The following PDE1C variants were observed in gnomAD, a reference collection of about 807,000 sequenced individuals.
PDE1C encodes the protein phosphodiesterase 1C.
PDE1C carries 62 observed loss-of-function variants against 93.1 expected under a neutral mutation model. That is an observed-to-expected ratio of 0.67 (90% confidence interval 0.54 to 0.82). The LOEUF (loss-of-function observed/expected upper bound fraction) is 0.82. Among genes scored for constraint, PDE1C ranks in the 40% least tolerant of loss-of-function variants. PDE1C has a pLI of 0.00. For missense variants in PDE1C, 742 were observed against 884.6 expected (o/e 0.84, Z 2.04); for synonymous variants, 325 against 310.1 (o/e 1.05, Z -0.50).
intron 3 of PDE1C, among the ~76,000 whole-genome samples, chr7:32,108,241 A>C (rs1798444755): frequency 6.7e-6 from 1 of 149,950 alleles, no homozygotes; most frequent in Admixed American, 6.6e-5. Context: ...AAAAAAAAAA[A>C]AAAAAAGCAA....
intron 2 of PDE1C, among the ~76,000 whole-genome samples, chr7:31,948,687 A>C (rs1056697093): frequency 6.6e-6 from 1 of 151,932 alleles, no homozygotes; most frequent in Non-Finnish European, 1.5e-5. Flanking sequence ...TTCTAGGGGG[A>C]AAGATTTTTG....
chr7:32,084,003 A>G (rs1167017776), intron 3 of PDE1C, among the ~76,000 whole-genome samples: 1 of 151,334 alleles, frequency 6.6e-6, no homozygotes, highest in African/African-American at 2.4e-5. Context: ...ACATAACAAT[A>G]TTAACTTTAA....
rs574467135 is a variant in PDE1C at position 31,757,334 on chromosome 7, T to C, written c.1961-3781A>G. Among the ~76,000 whole-genome samples, 3 of 152,366 alleles carry C rather than the reference T, an allele frequency of 2.0e-5. No homozygotes were observed. In the South Asian group the frequency reaches 6.2e-4, roughly 32 times the overall value. On this transcript the variant is annotated intron_variant, in intron 17 of 17. Coordinates refer to ENST00000396191, the MANE Select transcript of PDE1C (RefSeq NM_001191057.4). ...GCTATTTTATCTCTTTGGTTGTTTA[T>C]ACTTTCTAATTTTTCTATGATGATC...
chr7:31,956,021 C>T (rs1808082031), intron 2 of PDE1C, among the ~76,000 whole-genome samples: 2 of 152,200 alleles, frequency 1.3e-5, no homozygotes, highest in South Asian at 4.1e-4. Context: ...TTAACAACAG[C>T]ACCTGAGTCA....
intron 14 of PDE1C, among the ~76,000 whole-genome samples, chr7:31,822,812 T>C (rs1017228922): frequency 1.3e-5 from 2 of 152,132 alleles, no homozygotes; most frequent in Middle Eastern, 3.2e-3. Context: ...ATAACACCCA[T>C]GTCCTGTAGA....
At chr7:31,927,888 A>G (rs1803612757) in intron 2 of PDE1C, among the ~76,000 whole-genome samples, 1 of 152,092 alleles carries the variant, frequency 6.6e-6, no homozygotes, top group Non-Finnish European at 1.5e-5. Flanking sequence ...ATCTCCTCCA[A>G]ATGATTGCAA....
chr7:31,881,008 G>T, intron 2 of PDE1C, 148 bp from the exon 3 acceptor site: 1 of 602,378 alleles, frequency 1.7e-6, no homozygotes, highest in South Asian at 2.2e-5. Context: ...AAAGGAGCAG[G>T]TAATAAAATA....
intron 14 of PDE1C, among the ~76,000 whole-genome samples, chr7:31,818,937 C>G (rs1484882029): frequency 6.6e-6 from 1 of 152,124 alleles, no homozygotes; most frequent in African/African-American, 2.4e-5. Context: ...ACAACTGAGT[C>G]AGACCAATTT....
chr7:32,253,153 TA>T (rs1809514511), intron 1 of PDE1C, among the ~76,000 whole-genome samples: 1 of 152,180 alleles, frequency 6.6e-6, no homozygotes, highest in South Asian at 2.1e-4. Flanking sequence ...GAACAATATT[TA>T]ATACTCGTGA....
At chr7:31,665,180 G>A in the PDE1C span, among the ~76,000 whole-genome samples, 403 of 152,066 alleles carry the variant, frequency 2.7e-3, no homozygotes, top group Middle Eastern at 6.8e-3. Context: ...TTCCCTCTTT[G>A]CATTTGCTTT....
intron 1 of PDE1C, among the ~76,000 whole-genome samples, chr7:32,309,874 G>C (rs2893421): frequency 0.15 from 22,315 of 152,130 alleles, 1,905 homozygotes; most frequent in East Asian, 0.39. Flanking sequence ...ACATCATAAT[G>C]ACAGGACCAA....
intron 3 of PDE1C, among the ~76,000 whole-genome samples, chr7:32,088,749 A>C (rs1797282654): frequency 6.6e-6 from 1 of 151,876 alleles, no homozygotes; most frequent in Non-Finnish European, 1.5e-5. Flanking sequence ...CCAGTGAGCC[A>C]CCCGTGAAAT....
intron 2 of PDE1C, among the ~76,000 whole-genome samples, chr7:32,025,829 A>C (rs889866435): frequency 1.3e-5 from 2 of 152,116 alleles, no homozygotes; most frequent in African/African-American, 4.8e-5. Flanking sequence ...CTCTGTTCAC[A>C]GGGGAGCATC....
At chr7:32,349,417 T>A (rs1367029552) in intron 1 of PDE1C, among the ~76,000 whole-genome samples, 1 of 152,096 alleles carries the variant, frequency 6.6e-6, no homozygotes, top group African/African-American at 2.4e-5. Flanking sequence ...TGGAGGGAAA[T>A]GGGTCTGGCT....
chr7:32,050,574 G>GTA (rs10684136), intron 2 of PDE1C, among the ~76,000 whole-genome samples: 9,621 of 150,730 alleles, frequency 0.064, 433 homozygotes, highest in African/African-American at 0.12. Context: ...CTATGTGTAT[G>GTA]TATATATATA....
chr7:32,218,070 C>A (rs915742804), intron 1 of PDE1C, among the ~76,000 whole-genome samples: 7 of 152,292 alleles, frequency 4.6e-5, no homozygotes, highest in Non-Finnish European at 7.3e-5. Context: ...ACTACCACAC[C>A]ACCAGCCTCA....
chr7:31,747,662 G>C (rs890194724), downstream of PDE1C, among the ~76,000 whole-genome samples: 12 of 152,188 alleles, frequency 7.9e-5, no homozygotes, highest in African/African-American at 2.9e-4. Flanking sequence ...AAGGCTCCAG[G>C]GCTCTGAGTT....
intron 2 of PDE1C, among the ~76,000 whole-genome samples, chr7:31,890,076 C>T (rs1004724094): frequency 3.9e-5 from 6 of 152,018 alleles, no homozygotes; most frequent in African/African-American, 1.4e-4. Flanking sequence ...GCGAGCAGAC[C>T]TTATTGGGAA....
At chr7:31,917,607 G>GA (rs530620942) in intron 2 of PDE1C, among the ~76,000 whole-genome samples, 68 of 146,204 alleles carry the variant, frequency 4.7e-4, no homozygotes, top group South Asian at 8.7e-4. Flanking sequence ...GCAACTGAAT[G>GA]AAAAAAAAAA....
Sources: gnomAD v4.1 joint callset for allele counts (sites outside exome capture counted in the v4.1 genomes callset) on GRCh38, gnomAD v4.1.1 for gene constraint, MANE v1.5 for transcripts, NCBI Gene and HGNC (gene_info 2026-07-23, HGNC 2026-07-21) for gene names.